The following PSMC4 variants were observed in gnomAD, a reference collection of about 807,000 sequenced individuals.
PSMC4 encodes 26S proteasome regulatory subunit 6B.
PSMC4 carries 13 observed loss-of-function variants against 48.4 expected under a neutral mutation model. That is an observed-to-expected ratio of 0.27 (90% CI 0.18 to 0.43). PSMC4 has a LOEUF of 0.43. Ranked by LOEUF, PSMC4 falls within the 20% of genes least tolerant of loss-of-function variation. The pLI is 1.00. For synonymous variants in PSMC4, 202 were observed against 212.3 expected (o/e 0.95, Z 0.42); for missense variants, 262 against 555.9 (o/e 0.47, Z 5.32).
Position 39,979,813 on chromosome 19 carries a change from T to A in PSMC4, c.674-4T>A, listed in dbSNP as rs1446642942. The A allele has an allele frequency of 6.2e-7, 1 of 1,611,700 alleles. No homozygotes were observed. The highest frequency in any genetic ancestry group is 1.1e-5 in the South Asian group (1 of 90,950). ...CCGCCTAACTGTTGTCATCCTGTCATCAGCTGCATTCATCCGGGTCGTGGG... is the reference window on the plus strand; with the variant it reads ...CCGCCTAACTGTTGTCATCCTGTCAACAGCTGCATTCATCCGGGTCGTGGG... On this transcript the variant is annotated splice_polypyrimidine_tract_variant and splice_region_variant and intron_variant, in intron 6 of 10. Transcript: ENST00000157812.
At chr19:39,975,596 CT>C (rs1338260178) in intron 6 of PSMC4, among the ~76,000 whole-genome samples, 1 of 152,064 alleles carries the variant, frequency 6.6e-6, no homozygotes, top group Non-Finnish European at 1.5e-5. Flanking sequence ...GCTTTGAAAT[CT>C]TACTCCCCCA....
Position 39,980,233 on chromosome 19 carries a change from C to T in PSMC4, c.919-53C>T. ...GGCACCTAAGGGGTGGTTATCGTGA[C>T]AGGAAGGAGGTAGGAGTGCAGAGAT... On this transcript the variant is annotated intron_variant, in intron 8 of 10. Coordinates refer to ENST00000157812, the MANE Select transcript of PSMC4 (RefSeq NM_006503.4). The surrounding 1 kb of genome is among the most constrained non-coding windows in gnomAD (Gnocchi z 4.8). The T allele has an allele frequency of 6.2e-7, 1 of 1,613,522 alleles. No individual in the cohort carries two copies. Among genetic ancestry groups the T allele is most frequent in the Non-Finnish European group, 8.5e-7 (1 of 1,179,660 alleles).
At chr19:39,976,814 A>G (rs1358075673) in intron 6 of PSMC4, among the ~76,000 whole-genome samples, 1 of 144,882 alleles carries the variant, frequency 6.9e-6, no homozygotes, top group East Asian at 2.1e-4. Context: ...CAGCCCGTAA[A>G]CCTTCTTAAA....
chr19:39,976,296 G>A lies in PSMC4; in HGVS notation c.673+1468G>A, dbSNP rs577706216. ...TAATTAGCTGGGCGTGGTGGCCAGC[G>A]CCTGTAGTCCCAGCTACTCAGCGTG... On this transcript the variant is annotated intron_variant, in intron 6 of 10. Coordinates refer to ENST00000157812, the MANE Select transcript of PSMC4 (RefSeq NM_006503.4). Among the ~76,000 whole-genome samples, 689 of 142,474 alleles carry A rather than the reference G, an allele frequency of 4.8e-3. 5 individuals carry two copies. The highest frequency in any genetic ancestry group is 0.017 in the African/African-American group (646 of 39,060). 93.5% of individuals were successfully genotyped at this position (142,474 alleles called of 152,430 possible).
Position 39,974,224 on chromosome 19 carries a change from A to AGGAGGGAGGAAGGG in PSMC4, c.323-66_323-53dup. ...CCAGAGATGTTGGGGTGTGGAGATTAGGAGGGAGGAAGGGGGAAGGGGCAG... is the reference window on the plus strand; with the variant it reads ...CCAGAGATGTTGGGGTGTGGAGATTAGGAGGGAGGAAGGGGGAGGGAGGAAGGGGGAAGGGGCAG... On this transcript the variant is annotated intron_variant, in intron 3 of 10. Coordinates refer to ENST00000157812, the MANE Select transcript of PSMC4 (RefSeq NM_006503.4). This position sits in a 1 kb window ranked among gnomAD's most constrained non-coding sequence, Gnocchi z 5.5. 17 of 1,575,256 alleles carry AGGAGGGAGGAAGGG rather than the reference A, an allele frequency of 1.1e-5. No individual in the cohort carries two copies. The highest frequency in any genetic ancestry group is 1.5e-5 in the Non-Finnish European group (17 of 1,155,256).
chr19:39,980,178 T>C lies in PSMC4; in HGVS notation c.918+32T>C. On this transcript the variant is annotated intron_variant, in intron 8 of 10. Transcript: ENST00000157812. This position sits in a 1 kb window ranked among gnomAD's most constrained non-coding sequence, Gnocchi z 4.8. Reference sequence around the variant, plus strand: ...GGTTTGGGATGGACAAGGGGAGGTGTGGTGTAGGAACTGGGGAAAGTTGGG... The same window carrying C: ...GGTTTGGGATGGACAAGGGGAGGTGCGGTGTAGGAACTGGGGAAAGTTGGG... 6.2e-7 allele frequency: 1 copy of C among 1,613,342 alleles called. No homozygotes were observed. The highest frequency in any genetic ancestry group is 8.5e-7 in the Non-Finnish European group (1 of 1,179,724).
In PSMC4 at chr19:39,979,995, C is replaced by G; in HGVS notation, c.841+11C>G. Reference sequence around the variant, plus strand: ...ATGCTCAGACAGGGGGTAAGTGATGCTGAAACAAGGCCCGGGGTCTTGGAC... The same window carrying G: ...ATGCTCAGACAGGGGGTAAGTGATGGTGAAACAAGGCCCGGGGTCTTGGAC... On this transcript the variant is annotated intron_variant, in intron 7 of 10. Transcript: ENST00000157812. The G allele has an allele frequency of 1.9e-6, 3 of 1,613,780 alleles. No individual in the cohort carries two copies. Among genetic ancestry groups the G allele is most frequent in the Non-Finnish European group, 2.5e-6 (3 of 1,179,852 alleles).
chr19:39,976,846 A>ATTTTT (rs1222145410), intron 6 of PSMC4, among the ~76,000 whole-genome samples: 1 of 105,774 alleles, frequency 9.5e-6, no homozygotes, highest in Non-Finnish European at 1.9e-5. Flanking sequence ...TTTGTGTGTG[A>ATTTTT]TTTTTTTTTT....
rs1235237549 is a variant in PSMC4 at position 39,972,137 on chromosome 19, T to C, written c.37-9T>C. On this transcript the variant is annotated splice_polypyrimidine_tract_variant and intron_variant, in intron 1 of 10. Transcript: ENST00000157812. ...CTTCTTCCAATGTGAGTTATCCCCT[T>C]TCGTCTAGGATGAGATCCCAGCACT... 6.2e-7 allele frequency: 1 copy of C among 1,610,926 alleles called. No individual in the cohort carries two copies.
rs1599726022 is a variant in PSMC4, at chr19:39,972,482, A to G, written c.249A>G (p.Gln83=). The G allele has an allele frequency of 1.2e-6, 2 of 1,614,042 alleles. No homozygotes were observed. Among genetic ancestry groups the G allele is most frequent in the African/African-American group, 2.7e-5 (2 of 74,894 alleles). Residue 83 remains glutamine (Q), a synonymous_variant, in exon 3 of 11, where the codon CAA becomes CAG. Coordinates refer to ENST00000157812, the MANE Select transcript of PSMC4 (RefSeq NM_006503.4). Reference sequence around the variant, plus strand: ...CCCAGGAGGAGGTGAAGCGAATCCAAAGCATCCCGCTGGTCATCGGACAAT... The same window carrying G: ...CCCAGGAGGAGGTGAAGCGAATCCAGAGCATCCCGCTGGTCATCGGACAAT... The part of the protein sequence containing the change: ...LHAQEEVKRI[Q]SIPLVIGQFL...
At position 39,981,385 on chromosome 19, in the gene PSMC4, TC is replaced by T. The variant is rs1971285357; in HGVS notation, c.*83del. The T allele has an allele frequency of 1.0e-6, 1 of 973,396 alleles. No homozygotes were observed. 60.3% of individuals were successfully genotyped at this position (973,396 alleles called of 1,614,324 possible). On this transcript the variant is annotated 3_prime_UTR_variant, in exon 11 of 11. Transcript: ENST00000157812. ...CAGCACCTCTGTCCCAAAACCTCAT[TC>T]CCTTTTTTCTTTACCCAGGATTGGT... is the stretch of plus-strand genomic sequence containing the variant.
intron 1 of PSMC4, 117 bp downstream of exon 1, chr19:39,971,355 T>TA: frequency 7.9e-7 from 1 of 1,262,148 alleles, no homozygotes; most frequent in African/African-American, 1.5e-5. Context: ...GGGGTTATTT[T>TA]AGAGGCCTCG....
intron 6 of PSMC4, among the ~76,000 whole-genome samples, chr19:39,978,798 C>T (rs61413463): frequency 0.034 from 5,112 of 152,214 alleles, 170 homozygotes; most frequent in African/African-American, 0.077. Context: ...AGGAGGATCG[C>T]TTGAGGCCAG....
At position 39,974,674 on chromosome 19, in the gene PSMC4, G is replaced by GGA. The variant is rs554537219; in HGVS notation, c.579+42_579+43insAG. The stretch of plus-strand genomic sequence containing the variant: ...TGGCAGGGAAGGGAGAGGCCCCATT[G>GGA]GGTCTGGGGTTGGAGGTGGAACCCC... On this transcript the variant is annotated intron_variant, in intron 5 of 10. Coordinates refer to ENST00000157812, the MANE Select transcript of PSMC4 (RefSeq NM_006503.4). The surrounding 1 kb of genome is among the most constrained non-coding windows in gnomAD (Gnocchi z 5.5). 20,429 of 1,611,632 alleles carry GGA rather than the reference G, an allele frequency of 0.013. 177 individuals are homozygous for GGA. The highest frequency in any genetic ancestry group is 0.015 in the Non-Finnish European group (17,798 of 1,177,858).
intron 6 of PSMC4, among the ~76,000 whole-genome samples, chr19:39,976,105 C>T (rs781028080): frequency 2.6e-4 from 39 of 151,794 alleles, no homozygotes; most frequent in Non-Finnish European, 4.7e-4. Context: ...GGTGTGGTGG[C>T]GGTCGCCTGT....
Position 39,974,180 on chromosome 19 carries a change from G to C in PSMC4, c.323-114G>C, listed in dbSNP as rs528975099. The C allele has an allele frequency of 3.0e-6, 4 of 1,354,088 alleles. No homozygotes were observed. Among genetic ancestry groups the C allele is most frequent in the African/African-American group, 2.9e-5 (2 of 69,056 alleles). The allele number at this position is 1,354,088 out of a possible 1,614,324, so 83.9% of individuals were successfully genotyped here. A position where few individuals can be genotyped will look rare whatever the true frequency, so the allele number is the denominator to read the frequency against. ...GGAGGGAAGGCTGGAGGCCGAGAGG[G>C]GACCCCTCAGGGTCTGAACCAGAGA... is the stretch of plus-strand genomic sequence containing the variant. On this transcript the variant is annotated intron_variant, in intron 3 of 10. Coordinates refer to ENST00000157812, the MANE Select transcript of PSMC4 (RefSeq NM_006503.4). This position sits in a 1 kb window ranked among gnomAD's most constrained non-coding sequence, Gnocchi z 5.5.
Position 39,974,729 on chromosome 19 carries a change from T to C in PSMC4, c.580-6T>C. ...TCCCACTTCTCTTCCTTCCTCTGGG[T>C]TTCAGATCGGCATCGATCCCCCCCG... On this transcript the variant is annotated splice_region_variant and splice_polypyrimidine_tract_variant and intron_variant, in intron 5 of 10. Transcript: ENST00000157812. This position sits in a 1 kb window ranked among gnomAD's most constrained non-coding sequence, Gnocchi z 5.5. 1.9e-6 allele frequency: 3 copies of C among 1,614,004 alleles called. No individual in the cohort carries two copies. Among genetic ancestry groups the C allele is most frequent in the Non-Finnish European group, 2.5e-6 (3 of 1,179,888 alleles).
intron 6 of PSMC4, chr19:39,979,594 A>T (rs1468488999): frequency 2.7e-6 from 1 of 375,890 alleles, no homozygotes; most frequent in African/African-American, 2.1e-5. Context: ...ATTTGTAAGG[A>T]TGATTCATGA....
At position 39,980,574 on chromosome 19, in the gene PSMC4, G is replaced by C; in HGVS notation, c.1088-88G>C. On this transcript the variant is annotated intron_variant, in intron 9 of 10. Transcript: ENST00000157812. This position sits in a 1 kb window ranked among gnomAD's most constrained non-coding sequence, Gnocchi z 4.8. ...AGGTGGGACCAAGGTCCAGGGAGGA[G>C]GGGAGGTGACAGAGATGGCCAAAGA... The C allele has an allele frequency of 1.3e-6, 2 of 1,585,158 alleles. No individual in the cohort carries two copies. The highest frequency in any genetic ancestry group is 1.7e-6 in the Non-Finnish European group (2 of 1,154,446).
Sources: gnomAD v4.1 joint callset for allele counts (sites outside exome capture counted in the v4.1 genomes callset) on GRCh38, gnomAD v4.1.1 for gene constraint, Gnocchi (gnomAD v3.1) non-coding constraint, MANE v1.5 for transcripts, NCBI Gene and HGNC (gene_info 2026-07-23, HGNC 2026-07-21) for gene names.